SPON1: variants seen among roughly 807,000 people sequenced by gnomAD.
The protein encoded by SPON1 is spondin-1.
Under a neutral mutation model 111.7 loss-of-function variants are expected in SPON1, and 52 were observed. The ratio of observed to expected loss-of-function variants is 0.47; its 90% CI spans 0.37 to 0.59. The LOEUF is 0.59. Ranked by LOEUF, SPON1 falls within the 20% of genes least tolerant of loss-of-function variation. The pLI is 0.00. For missense variants in SPON1, 957 were observed against 1,068.5 expected, an observed-to-expected ratio of 0.90 and a Z score of 1.46; for synonymous variants, 410 against 395.8, an observed-to-expected ratio of 1.04 and a Z score of -0.43.
chr11:14,176,813 C>T (rs547518125), intron 6 of SPON1, among the ~76,000 whole-genome samples: 8 of 152,110 alleles, frequency 5.3e-5, no homozygotes, highest in Admixed American at 2.0e-4. Context: ...GGGGTGCCAC[C>T]GAACCACAGG....
At chr11:14,176,661 C>T (rs868967765) in intron 6 of SPON1, among the ~76,000 whole-genome samples, 1 of 152,186 alleles carries the variant, frequency 6.6e-6, no homozygotes, top group South Asian at 2.1e-4. Context: ...TAAGGGACAT[C>T]TCAGGACTAT....
At chr11:14,167,020 A>C (rs1246134561) in intron 6 of SPON1, among the ~76,000 whole-genome samples, 7 of 152,130 alleles carry the variant, frequency 4.6e-5, no homozygotes, top group African/African-American at 1.7e-4. Flanking sequence ...CCTCCATGGC[A>C]CACAGTCTGT....
rs564287931 is a variant in SPON1, at chr11:14,190,891, G to A, written c.826-52441G>A. On this transcript the variant is annotated intron_variant, in intron 6 of 15. Transcript: ENST00000576479. ...CCTGACCTCATGATCTACCCACCTC[G>A]GCCTCCCAAAGTGCTGGGATTACAG... Among the ~76,000 whole-genome samples the A allele has an allele frequency of 6.6e-5, 10 of 151,798 alleles. No homozygotes were observed. In the East Asian group the frequency reaches 1.4e-3, roughly 21 times the overall value.
chr11:14,142,815 A>T (rs1847671667), intron 6 of SPON1, among the ~76,000 whole-genome samples: 1 of 152,258 alleles, frequency 6.6e-6, no homozygotes, highest in East Asian at 1.9e-4. Context: ...TATTGTAGAA[A>T]GAAAGTAGGA....
intron 6 of SPON1, among the ~76,000 whole-genome samples, chr11:14,209,045 A>G (rs1848545390): frequency 6.6e-6 from 1 of 152,176 alleles, no homozygotes; most frequent in Admixed American, 6.5e-5. Context: ...TCAGCTTCTT[A>G]AGTCATTGCA....
intron 3 of SPON1, among the ~76,000 whole-genome samples, chr11:14,052,690 C>T (rs1848716873): frequency 6.6e-6 from 1 of 152,196 alleles, no homozygotes; most frequent in Non-Finnish European, 1.5e-5. Flanking sequence ...CAGGTGGAAT[C>T]CAGATGCCAG....
At chr11:14,166,447 T>A (rs1848030557) in intron 6 of SPON1, among the ~76,000 whole-genome samples, 7 of 152,330 alleles carry the variant, frequency 4.6e-5, no homozygotes, top group African/African-American at 1.7e-4. Context: ...GGTTTAGCAA[T>A]GTTTAACACA....
intron 1 of SPON1, among the ~76,000 whole-genome samples, chr11:13,978,530 A>G (rs1208525274): frequency 6.6e-6 from 1 of 152,224 alleles, no homozygotes; most frequent in Non-Finnish European, 1.5e-5. Flanking sequence ...ACTGATAATA[A>G]TGAGTTCATA....
intron 6 of SPON1, among the ~76,000 whole-genome samples, chr11:14,185,364 C>G (rs1848275412): frequency 6.6e-6 from 1 of 152,186 alleles, no homozygotes; most frequent in African/African-American, 2.4e-5. Context: ...TGTTTTTCCT[C>G]TATTTACTAT....
intron 2 of SPON1, among the ~76,000 whole-genome samples, chr11:13,993,893 T>G (rs1364605894): frequency 6.6e-6 from 1 of 152,210 alleles, no homozygotes; most frequent in Non-Finnish European, 1.5e-5. Context: ...TATTTTTAAT[T>G]TAAGTCCTTC....
chr11:14,182,096 A>C (rs1284893502), intron 6 of SPON1, among the ~76,000 whole-genome samples: 4 of 152,172 alleles, frequency 2.6e-5, no homozygotes, highest in African/African-American at 9.7e-5. Context: ...TTCTGCTGTG[A>C]GTCTCACATT....
chr11:13,995,946 G>A (rs1848268718), intron 2 of SPON1, among the ~76,000 whole-genome samples: 1 of 152,210 alleles, frequency 6.6e-6, no homozygotes, highest in Admixed American at 6.5e-5. Context: ...AGTGGGTAGT[G>A]AGTGCTGATT....
intron 6 of SPON1, among the ~76,000 whole-genome samples, chr11:14,160,961 A>G (rs1331124993): frequency 2.5e-3 from 146 of 58,498 alleles, no homozygotes; most frequent in Admixed American, 3.1e-3. Context: ...ATTTATATAT[A>G]TTTATATATA....
chr11:14,226,217 C>T (rs1020669527), intron 6 of SPON1, among the ~76,000 whole-genome samples: 5 of 152,210 alleles, frequency 3.3e-5, no homozygotes, highest in Middle Eastern at 6.3e-3. Context: ...TCAAGCTCTT[C>T]GGACTTGAAT....
At chr11:14,122,538 T>A (rs148056137) in intron 5 of SPON1, among the ~76,000 whole-genome samples, 1 of 152,360 alleles carries the variant, frequency 6.6e-6, no homozygotes, top group East Asian at 1.9e-4. Context: ...CAATTACCAC[T>A]ATGTTAAACC....
At chr11:14,264,937 G>C (rs1484543781) in intron 15 of SPON1, among the ~76,000 whole-genome samples, 1 of 152,222 alleles carries the variant, frequency 6.6e-6, no homozygotes, top group Non-Finnish European at 1.5e-5. Flanking sequence ...AAGTGGTTTA[G>C]TGTTCCTTAT....
intron 6 of SPON1, among the ~76,000 whole-genome samples, chr11:14,201,731 T>C (rs1479792677): frequency 1.3e-5 from 2 of 152,140 alleles, no homozygotes; most frequent in Non-Finnish European, 2.9e-5. Flanking sequence ...ATACATACAA[T>C]TGAGTATATA....
chr11:14,207,485 C>T (rs1005436824), intron 6 of SPON1, among the ~76,000 whole-genome samples: 41 of 151,884 alleles, frequency 2.7e-4, no homozygotes, highest in African/African-American at 9.2e-4. Context: ...TAATATCCAG[C>T]GTCTATAAGG....
intron 3 of SPON1, among the ~76,000 whole-genome samples, chr11:14,057,515 C>T (rs528590091): frequency 2.8e-4 from 42 of 152,152 alleles, no homozygotes; most frequent in African/African-American, 1.0e-3. Context: ...TTAGATATAT[C>T]AATGTTATCT....
Sources: allele counts gnomAD v4.1 joint callset (sites outside exome capture counted in the v4.1 genomes callset), GRCh38; gene constraint gnomAD v4.1.1; transcripts MANE v1.5; gene names NCBI Gene and HGNC (gene_info 2026-07-23, HGNC 2026-07-21).